WIPF3: variants seen among roughly 807,000 people sequenced by gnomAD.
WIPF3 encodes WAS/WASL interacting protein family member 3.
WIPF3 carries 33 observed loss-of-function variants against 38.9 expected under a neutral mutation model. The ratio of observed to expected loss-of-function variants is 0.85; its 90% CI spans 0.64 to 1.14. The LOEUF (loss-of-function observed/expected upper bound fraction) is 1.14, where lower values mean the gene tolerates loss of function less well. Ranked by LOEUF, WIPF3 falls within the 50% of genes most tolerant of loss-of-function variation. The probability of loss-of-function intolerance (pLI) is 0.00; values close to 1 mark genes in which losing one functional copy is unlikely to be tolerated. For missense variants in WIPF3, 711 were observed against 652.5 expected (o/e 1.09, Z -0.98); for synonymous variants, 324 against 269.3 (o/e 1.20, Z -1.99).
At chr7:29,883,141 GGAATT>G (rs1341410751) in intron 4 of WIPF3, among the ~76,000 whole-genome samples, 2 of 152,184 alleles carry the variant, frequency 1.3e-5, no homozygotes, top group African/African-American at 4.8e-5. Flanking sequence ...ATTTAAAAGA[GGAATT>G]GAATTTCAAG....
At chr7:29,865,966 C>G (rs923459669) in intron 2 of WIPF3, among the ~76,000 whole-genome samples, 4 of 152,156 alleles carry the variant, frequency 2.6e-5, no homozygotes, top group Non-Finnish European at 5.9e-5. Context: ...CAAGACCAGC[C>G]TGGCCAACAT....
chr7:29,807,694 C>T (rs926511107), intron 1 of WIPF3, among the ~76,000 whole-genome samples: 4 of 152,204 alleles, frequency 2.6e-5, no homozygotes, highest in African/African-American at 9.6e-5. Context: ...GTGGCCAATC[C>T]CTGACACTCA....
chr7:29,824,550 T>TA (rs398047618), intron 1 of WIPF3, among the ~76,000 whole-genome samples: 4,646 of 135,614 alleles, frequency 0.034, 153 homozygotes, highest in African/African-American at 0.085. Flanking sequence ...GATGTATTTT[T>TA]AAAAAAAAAA....
At position 29,850,697 on chromosome 7, in the gene WIPF3, T is replaced by C. The variant is rs533394335; in HGVS notation, c.90+15883T>C. On this transcript the variant is annotated intron_variant, in intron 2 of 8. Transcript: ENST00000242140. Reference sequence around the variant, plus strand: ...TGAGAACCACTACAGAAAGTGAGGATTGAAAGAGGGACAATGGAGACTCAC... The same window carrying C: ...TGAGAACCACTACAGAAAGTGAGGACTGAAAGAGGGACAATGGAGACTCAC... 3.4e-4 allele frequency among the ~76,000 whole-genome samples: 52 copies of C among 152,180 alleles called. 1 individual carries two copies. Among genetic ancestry groups the C allele is most frequent in the South Asian group, 3.3e-3 (16 of 4,810 alleles).
At chr7:29,825,423 T>G (rs150605290) in intron 1 of WIPF3, among the ~76,000 whole-genome samples, 1 of 152,352 alleles carries the variant, frequency 6.6e-6, no homozygotes, top group African/African-American at 2.4e-5. Flanking sequence ...AGATACCCTA[T>G]TTTAGAAGTA....
chr7:29,908,908 CAAA>C (rs59015755), intron 8 of WIPF3, among the ~76,000 whole-genome samples: 1,368 of 82,792 alleles, frequency 0.017, 29 homozygotes, highest in East Asian at 0.11. Context: ...AACTCCATCT[CAAA>C]AAAAAAAAAA....
intron 1 of WIPF3, among the ~76,000 whole-genome samples, chr7:29,807,579 G>A (rs987886725): frequency 6.6e-6 from 1 of 152,212 alleles, no homozygotes; most frequent in East Asian, 1.9e-4. Flanking sequence ...GGGTGTGCCC[G>A]TGGCGGGCGC....
intron 1 of WIPF3, among the ~76,000 whole-genome samples, chr7:29,812,095 C>T (rs190361318): frequency 1.7e-4 from 26 of 152,296 alleles, no homozygotes; most frequent in African/African-American, 6.3e-4. Context: ...CATAATTTCC[C>T]TTTAGCTGAA....
intron 8 of WIPF3, among the ~76,000 whole-genome samples, chr7:29,907,131 T>C (rs1786413122): frequency 1.3e-5 from 2 of 152,236 alleles, no homozygotes. Context: ...AAATCTAATA[T>C]TATTGTAACA....
In WIPF3 at chr7:29,875,867, C is replaced by T. The variant is rs752160943; in HGVS notation, c.128C>T (p.Pro43Leu). 6 of 1,613,950 alleles carry T rather than the reference C, an allele frequency of 3.7e-6. No individual in the cohort carries two copies. The East Asian group carries it at 6.7e-5, about 18-fold the overall frequency. ...TDTSSLRRAD[P>L]KGRSALLADI... ...ACCTCCAGCTTGCGAAGGGCAGATCCGAAAGGCCGGAGTGCGCTGTTGGCT... is the reference window on the plus strand; with the variant it reads ...ACCTCCAGCTTGCGAAGGGCAGATCTGAAAGGCCGGAGTGCGCTGTTGGCT... Residue 43 changes from proline to leucine, a missense_variant, in exon 3 of 9, where the codon CCG (proline) becomes CTG (leucine). Transcript: ENST00000242140.
chr7:29,904,464 C>A, intron 8 of WIPF3, 102 bp downstream of exon 8: 1 of 1,190,452 alleles, frequency 8.4e-7, no homozygotes, highest in Non-Finnish European at 1.2e-6. Context: ...TTATATTTTT[C>A]CTCACACTCC....
chr7:29,836,991 A>T (rs1419129955), intron 2 of WIPF3, among the ~76,000 whole-genome samples: 2 of 151,642 alleles, frequency 1.3e-5, no homozygotes, highest in Admixed American at 1.3e-4. Context: ...ACTCTGTCTC[A>T]AAACAAAAAC....
In WIPF3 at chr7:29,916,246, A is replaced by G. The variant is rs1302096419; in HGVS notation, c.*1730A>G. 2 of 150,678 alleles carry G rather than the reference A, an allele frequency of 1.3e-5. No individual in the cohort carries two copies. The highest frequency in any genetic ancestry group is 5.0e-5 in the African/African-American group (2 of 39,994). The allele number at this position is 150,678 out of a possible 1,614,324, so 9.3% of individuals were successfully genotyped here. A position where few individuals can be genotyped will look rare whatever the true frequency, so the allele number is the denominator to read the frequency against. On this transcript the variant is annotated 3_prime_UTR_variant, in exon 9 of 9. Transcript: ENST00000242140. Reference sequence around the variant, plus strand: ...AAAAGCCAGAATTTATTATTATAACAGTGTCCACTCCACTGCCCTCACAGT... The same window carrying G: ...AAAAGCCAGAATTTATTATTATAACGGTGTCCACTCCACTGCCCTCACAGT...
At chr7:29,907,488 AT>A (rs1464967354) in intron 8 of WIPF3, among the ~76,000 whole-genome samples, 1 of 152,214 alleles carries the variant, frequency 6.6e-6, no homozygotes, top group African/African-American at 2.4e-5. Flanking sequence ...TATGGCCTGA[AT>A]GTTTGTGTCC....
At chr7:29,814,203 C>T (rs1341612264) in intron 1 of WIPF3, among the ~76,000 whole-genome samples, 3 of 152,144 alleles carry the variant, frequency 2.0e-5, no homozygotes, top group African/African-American at 2.4e-5. Flanking sequence ...AACCTGCTTA[C>T]GGTTATTATG....
intron 2 of WIPF3, among the ~76,000 whole-genome samples, chr7:29,849,423 A>G (rs1484170104): frequency 6.6e-6 from 1 of 152,214 alleles, no homozygotes; most frequent in Admixed American, 6.5e-5. Flanking sequence ...GCCCTTGTAC[A>G]AGGACATCTA....
intron 1 of WIPF3, among the ~76,000 whole-genome samples, chr7:29,813,758 G>C (rs548915261): frequency 6.6e-6 from 1 of 151,900 alleles, no homozygotes; most frequent in Non-Finnish European, 1.5e-5. Context: ...TGCAACCATC[G>C]CCATTATTTA....
chr7:29,840,791 AG>A (rs1784900719), intron 2 of WIPF3, among the ~76,000 whole-genome samples: 1 of 152,182 alleles, frequency 6.6e-6, no homozygotes, highest in Non-Finnish European at 1.5e-5. Flanking sequence ...TGTATAGCCC[AG>A]GAGCAGGGTG....
intron 1 of WIPF3, among the ~76,000 whole-genome samples, chr7:29,821,681 T>A (rs1025629814): frequency 6.6e-6 from 1 of 152,240 alleles, no homozygotes; most frequent in Admixed American, 6.5e-5. Context: ...TTTGTTCTCT[T>A]CCATTTGTTT....
Sources: allele counts gnomAD v4.1 joint callset (sites outside exome capture counted in the v4.1 genomes callset), GRCh38; gene constraint gnomAD v4.1.1; transcripts MANE v1.5; gene names NCBI Gene and HGNC (gene_info 2026-07-23, HGNC 2026-07-21).